The following COL5A2 variants were observed in gnomAD, a reference collection of about 807,000 sequenced individuals.
COL5A2 encodes collagen type V alpha 2 chain.
In COL5A2, 23 loss-of-function variants were observed where a neutral mutation model predicts 208.2. The ratio of observed to expected loss-of-function variants is 0.11; its 90% CI spans 0.08 to 0.16. COL5A2 has a LOEUF of 0.16. COL5A2 is among the 10% of genes least tolerant of loss of function. The pLI is 1.00. For missense variants in COL5A2, 1,590 were observed against 1,956.4 expected (o/e 0.81, Z 3.53); for synonymous variants, 625 against 628.5 (o/e 0.99, Z 0.08).
rs1198996929 is a variant in COL5A2, at chr2:189,121,362, G to T, written c.98-10913C>A. 2.6e-5 allele frequency among the ~76,000 whole-genome samples: 4 copies of T among 152,158 alleles called. No homozygotes were observed. In the East Asian group the frequency reaches 7.7e-4, roughly 29 times the overall value. On this transcript the variant is annotated intron_variant, in intron 1 of 53. Coordinates refer to ENST00000374866, the MANE Select transcript of COL5A2 (RefSeq NM_000393.5). ...TTCTCTCTACCAACTGGCCAGGATGGATCTGAAGGAGACCAGGTACTCCCT... is the reference window on the plus strand; with the variant it reads ...TTCTCTCTACCAACTGGCCAGGATGTATCTGAAGGAGACCAGGTACTCCCT...
chr2:189,398,247 T>C, the COL5A2 span, among the ~76,000 whole-genome samples: 1 of 152,292 alleles, frequency 6.6e-6, no homozygotes, highest in East Asian at 1.9e-4. Flanking sequence ...ATAAGTTTTC[T>C]TCAGTTGCTG....
At chr2:189,412,782 A>G in the COL5A2 span, among the ~76,000 whole-genome samples, 1 of 152,244 alleles carries the variant, frequency 6.6e-6, no homozygotes, top group Non-Finnish European at 1.5e-5. Context: ...GAAAAACAAT[A>G]CATTGTCTTG....
the COL5A2 span, among the ~76,000 whole-genome samples, chr2:189,356,522 G>A: frequency 1.3e-5 from 2 of 151,894 alleles, no homozygotes; most frequent in African/African-American, 2.4e-5. Context: ...CCACTTGATC[G>A]ATTCGGCTAT....
chr2:189,433,499 T>A, the COL5A2 span, among the ~76,000 whole-genome samples: 4 of 152,206 alleles, frequency 2.6e-5, no homozygotes, highest in Admixed American at 2.6e-4. Flanking sequence ...ATAAAGGGGA[T>A]GTCACCACCA....
chr2:189,400,160 G>A, the COL5A2 span, among the ~76,000 whole-genome samples: 19 of 152,180 alleles, frequency 1.2e-4, no homozygotes, highest in Non-Finnish European at 2.5e-4. Flanking sequence ...GCCTACATAT[G>A]TTTTTCTTGA....
At chr2:189,241,739 T>C in the COL5A2 span, among the ~76,000 whole-genome samples, 88,119 of 152,096 alleles carry the variant, frequency 0.58, 26,814 homozygotes, top group East Asian at 0.72. Flanking sequence ...AGCTACTACA[T>C]TGATTGTCCT....
chr2:189,098,843 C>T (rs1686975437), intron 4 of COL5A2, 84 bp from the exon 5 acceptor site: 3 of 950,590 alleles, frequency 3.2e-6, no homozygotes, highest in Non-Finnish European at 5.1e-6. Context: ...AGAATAACAA[C>T]AAAAACCACA....
At chr2:189,184,329 C>T (rs1197037371), upstream of COL5A2, among the ~76,000 whole-genome samples, 2 of 151,740 alleles carry the variant, frequency 1.3e-5, no homozygotes, top group Non-Finnish European at 2.9e-5. Context: ...AAAGAAACAG[C>T]AAGTGGGAAT....
chr2:189,134,689 C>T (rs1687793356), intron 1 of COL5A2, among the ~76,000 whole-genome samples: 1 of 152,098 alleles, frequency 6.6e-6, no homozygotes, highest in Admixed American at 6.6e-5. Flanking sequence ...ATGAAAATGC[C>T]TTCCTGGAAT....
the COL5A2 span, among the ~76,000 whole-genome samples, chr2:189,357,763 GA>G: frequency 0.039 from 4,836 of 123,960 alleles, 102 homozygotes; most frequent in Admixed American, 0.054. Flanking sequence ...ACTCGGGTAT[GA>G]AAAAAAAAAA....
intron 33 of COL5A2, among the ~76,000 whole-genome samples, chr2:189,058,097 A>G (rs1685940218): frequency 6.6e-6 from 1 of 152,198 alleles, no homozygotes; most frequent in Admixed American, 6.5e-5. Context: ...GCCTCCTAAT[A>G]AATTATGTAA....
chr2:189,440,596 T>A, the COL5A2 span, among the ~76,000 whole-genome samples: 1 of 152,248 alleles, frequency 6.6e-6, no homozygotes, highest in Non-Finnish European at 1.5e-5. Flanking sequence ...CTTGGTAATT[T>A]TGTGGTAAAT....
intron 7 of COL5A2, among the ~76,000 whole-genome samples, chr2:189,090,018 T>C (rs1686749749): frequency 6.6e-6 from 1 of 152,178 alleles, no homozygotes; most frequent in Non-Finnish European, 1.5e-5. Context: ...CTTTACATTG[T>C]AAGCTAGAAA....
intron 1 of COL5A2, among the ~76,000 whole-genome samples, chr2:189,119,522 G>A (rs1244730338): frequency 6.6e-6 from 1 of 151,872 alleles, no homozygotes; most frequent in Non-Finnish European, 1.5e-5. Context: ...AATTTCAAAA[G>A]TTTTAGATTA....
At chr2:189,240,054 CA>C in the COL5A2 span, among the ~76,000 whole-genome samples, 8 of 152,134 alleles carry the variant, frequency 5.3e-5, no homozygotes, top group African/African-American at 1.9e-4. Flanking sequence ...TAAAAAACAA[CA>C]AAAACCAAAA....
chr2:189,116,447 C>A (rs910045341), intron 1 of COL5A2, among the ~76,000 whole-genome samples: 2 of 152,190 alleles, frequency 1.3e-5, no homozygotes, highest in Non-Finnish European at 2.9e-5. Context: ...AAAAATTCCA[C>A]ATTCCTCATT....
At chr2:189,318,555 C>T in the COL5A2 span, among the ~76,000 whole-genome samples, 3 of 152,182 alleles carry the variant, frequency 2.0e-5, 1 homozygote, top group East Asian at 3.9e-4. Context: ...GACTCCACAG[C>T]ATGATTTTTT....
the COL5A2 span, among the ~76,000 whole-genome samples, chr2:189,385,513 GAGA>G: frequency 6.6e-6 from 1 of 151,934 alleles, no homozygotes; most frequent in African/African-American, 2.4e-5. Flanking sequence ...CTCATGGATT[GAGA>G]AGAATCAATA....
At chr2:189,135,868 T>A (rs895034763) in intron 1 of COL5A2, among the ~76,000 whole-genome samples, 1 of 152,198 alleles carries the variant, frequency 6.6e-6, no homozygotes. Context: ...ATCATTCCCA[T>A]GAGGCAACCA....
Sources: gnomAD v4.1 joint callset for allele counts (sites outside exome capture counted in the v4.1 genomes callset) on GRCh38, gnomAD v4.1.1 for gene constraint, MANE v1.5 for transcripts, NCBI Gene and HGNC (gene_info 2026-07-23, HGNC 2026-07-21) for gene names.